PCSK9: variants seen among roughly 807,000 people sequenced by gnomAD.
The protein encoded by PCSK9 is proprotein convertase subtilisin/kexin type 9.
Under a neutral mutation model 62.1 loss-of-function variants are expected in PCSK9, and 57 were observed. That is an observed-to-expected ratio of 0.92 (90% CI 0.74 to 1.14). The LOEUF is 1.14. Among genes scored for constraint, PCSK9 ranks in the 50% most tolerant of loss-of-function variants. The pLI is 0.00. For missense variants in PCSK9, 870 were observed against 959.8 expected, an observed-to-expected ratio of 0.91 and a Z score of 1.24; for synonymous variants, 387 against 409.4, an observed-to-expected ratio of 0.95 and a Z score of 0.66.
intron 1 of PCSK9, among the ~76,000 whole-genome samples, chr1:55,043,108 C>T (rs1312563958): frequency 6.6e-6 from 1 of 152,212 alleles, no homozygotes; most frequent in Non-Finnish European, 1.5e-5. Context: ...GGAGAGCTTG[C>T]AGAATCATGA....
At chr1:55,058,714 T>TGTGTGTGC in intron 9 of PCSK9, 67 bp downstream of exon 9, 1 of 1,534,074 alleles carries the variant, frequency 6.5e-7, no homozygotes. Context: ...TGTGTGTGTG[T>TGTGTGTGC]GTGTCAGTGC....
In PCSK9 at chr1:55,058,089, A is replaced by C. The variant is rs1405213560; in HGVS notation, c.1234A>C (p.Arg412=). ...AEPELTLAEL[R]QRLIHFSAKD... Reference sequence around the variant, plus strand: ...GCCGGAGCTCACCCTGGCCGAGTTGAGGCAGAGACTGATCCACTTCTCTGC... The same window carrying C: ...GCCGGAGCTCACCCTGGCCGAGTTGCGGCAGAGACTGATCCACTTCTCTGC... The change falls in exon 8 of 12, where the codon AGG becomes CGG. Residue 412 remains arginine, a synonymous_variant. Transcript: ENST00000302118. The C allele has an allele frequency of 1.2e-6, 2 of 1,613,644 alleles. No individual in the cohort carries two copies. The highest frequency in any genetic ancestry group is 3.3e-5 in the Admixed American group (2 of 60,012).
At position 55,039,602 on chromosome 1, in the gene PCSK9, C is replaced by CTGAGCCTGGAGGAGTGAGCCAGGCAG; in HGVS notation, c.-231_-206dup. The CTGAGCCTGGAGGAGTGAGCCAGGCAG allele has an allele frequency of 1.7e-6, 1 of 604,788 alleles. No individual in the cohort carries two copies. Among genetic ancestry groups the CTGAGCCTGGAGGAGTGAGCCAGGCAG allele is most frequent in the South Asian group, 2.0e-5 (1 of 50,518 alleles). 37.5% of individuals were successfully genotyped at this position (604,788 alleles called of 1,614,324 possible). ...CGGGCGCCGCCGTTCAGTTCAGGGT[C>CTGAGCCTGGAGGAGTGAGCCAGGCAG]TGAGCCTGGAGGAGTGAGCCAGGCA... On this transcript the variant is annotated 5_prime_UTR_variant, in exon 1 of 12. Coordinates refer to ENST00000302118, the MANE Select transcript of PCSK9 (RefSeq NM_174936.4).
chr1:55,043,405 T>C (rs989566730), intron 1 of PCSK9, among the ~76,000 whole-genome samples: 4 of 152,182 alleles, frequency 2.6e-5, no homozygotes, highest in Non-Finnish European at 5.9e-5. Flanking sequence ...TGCTCATGGC[T>C]GCACAACCAG....
Position 55,063,679 on chromosome 1 carries a change from C to A in PCSK9, c.*95C>A. Reference sequence around the variant, plus strand: ...TTGTCCCTCTCTCAGCCCTCCATGGCCTGGCACGAGGGGATGGGGATGCTT... The same window carrying A: ...TTGTCCCTCTCTCAGCCCTCCATGGACTGGCACGAGGGGATGGGGATGCTT... On this transcript the variant is annotated 3_prime_UTR_variant, in exon 12 of 12. Transcript: ENST00000302118. 1 of 1,382,320 alleles carries A rather than the reference C, an allele frequency of 7.2e-7. No individual in the cohort carries two copies. The highest frequency in any genetic ancestry group is 9.8e-7 in the Non-Finnish European group (1 of 1,025,452). 85.6% of individuals were successfully genotyped at this position (1,382,320 alleles called of 1,614,324 possible).
At position 55,063,656 on chromosome 1, in the gene PCSK9, G is replaced by A; in HGVS notation, c.*72G>A. 6.7e-7 allele frequency: 1 copy of A among 1,495,116 alleles called. No homozygotes were observed. The highest frequency in any genetic ancestry group is 1.3e-5 in the South Asian group (1 of 79,206). 92.6% of individuals were successfully genotyped at this position (1,495,116 alleles called of 1,614,324 possible). A position where few individuals can be genotyped will look rare whatever the true frequency, so the allele number is the denominator to read the frequency against. On this transcript the variant is annotated 3_prime_UTR_variant, in exon 12 of 12. Coordinates refer to ENST00000302118, the MANE Select transcript of PCSK9 (RefSeq NM_174936.4). ...CTGAGCTTTAAAATGGTTCCGACTT[G>A]TCCCTCTCTCAGCCCTCCATGGCCT...
Position 55,058,142 on chromosome 1 carries a change from C to A in PCSK9, c.1287C>A (p.Phe429Leu), listed in dbSNP as rs111427099. The A allele has an allele frequency of 6.8e-6, 11 of 1,613,634 alleles. No homozygotes were observed. The African/African-American group carries it at 1.5e-4, about 22-fold the overall frequency. ...SAKDVINEAW[F>L]PEDQRVLTPN... ...AAGATGTCATCAATGAGGCCTGGTT[C>A]CCTGAGGACCAGCGGGTACTGACCC... The change falls in exon 8 of 12, where the codon TTC becomes TTA. Residue 429 changes from phenylalanine (F) to leucine (L), a missense_variant. Physicochemically the swap from Phe to Leu is conservative, Grantham distance 22. Coordinates refer to ENST00000302118, the MANE Select transcript of PCSK9 (RefSeq NM_174936.4).
intron 2 of PCSK9, among the ~76,000 whole-genome samples, chr1:55,045,857 G>A (rs1346979791): frequency 6.6e-6 from 1 of 152,038 alleles, no homozygotes; most frequent in Admixed American, 6.5e-5. Flanking sequence ...CTACAGGTGT[G>A]TGCCACCATG....
intron 3 of PCSK9, among the ~76,000 whole-genome samples, chr1:55,049,179 C>T (rs189236568): frequency 1.6e-4 from 25 of 152,264 alleles, no homozygotes; most frequent in Admixed American, 6.5e-5. Flanking sequence ...CCAAGACCTA[C>T]GGGGGCATTA....
Position 55,063,606 on chromosome 1 carries a change from G to A in PCSK9, c.*22G>A, listed in dbSNP as rs1405021769. 1 of 1,606,736 alleles carries A rather than the reference G, an allele frequency of 6.2e-7. No homozygotes were observed. Among genetic ancestry groups the A allele is most frequent in the South Asian group, 1.1e-5 (1 of 90,328 alleles). ...GTGACAGCCCCATCCCAGGATGGGT[G>A]TCTGGGGAGGGTCAAGGGCTGGGGC... On this transcript the variant is annotated 3_prime_UTR_variant, in exon 12 of 12. Transcript: ENST00000302118.
intron 6 of PCSK9, among the ~76,000 whole-genome samples, chr1:55,057,023 T>G (rs942239572): frequency 6.6e-6 from 1 of 151,840 alleles, no homozygotes. Context: ...GTCCTCTCAG[T>G]TTCCCCCCGT....
At chr1:55,059,071 G>T (rs374135225) in intron 9 of PCSK9, among the ~76,000 whole-genome samples, 4 of 152,228 alleles carry the variant, frequency 2.6e-5, no homozygotes, top group African/African-American at 9.6e-5. Context: ...GATGCTACAG[G>T]ATAGTGCACA....
chr1:55,048,834 A>G (rs1426674015), intron 3 of PCSK9, among the ~76,000 whole-genome samples: 1 of 152,222 alleles, frequency 6.6e-6, no homozygotes, highest in Non-Finnish European at 1.5e-5. Flanking sequence ...TAAATCAGTT[A>G]TTGCTGTAGC....
At position 55,058,082 on chromosome 1, in the gene PCSK9, C is replaced by T. The variant is rs146924245; in HGVS notation, c.1227C>T (p.Ala409=). 5.0e-5 allele frequency: 80 copies of T among 1,613,680 alleles called. No individual in the cohort carries two copies. Among genetic ancestry groups the T allele is most frequent in the Middle Eastern group, 1.6e-4 (1 of 6,084 alleles). The change falls in exon 8 of 12, where the codon GCC becomes GCT. Residue 409 remains alanine (A), a synonymous_variant. Transcript: ENST00000302118. ...CTGCCGAGCCGGAGCTCACCCTGGC[C>T]GAGTTGAGGCAGAGACTGATCCACT... The part of the protein sequence containing the change: ...MLSAEPELTL[A]ELRQRLIHFS...
intron 1 of PCSK9, 152 bp from the exon 2 acceptor site, chr1:55,043,691 G>C: frequency 1.1e-6 from 1 of 888,500 alleles, no homozygotes; most frequent in Non-Finnish European, 1.8e-6. Context: ...TCTTTAATTT[G>C]CTTTTTGGTC....
At position 55,059,650 on chromosome 1, in the gene PCSK9, C is replaced by A. The variant is rs1570308726; in HGVS notation, c.1668C>A (p.Gly556=). 9.7e-6 allele frequency: 15 copies of A among 1,550,824 alleles called. No individual in the cohort carries two copies. The highest frequency in any genetic ancestry group is 1.3e-5 in the Non-Finnish European group (15 of 1,147,044). The change falls in exon 10 of 12, where the codon GGC becomes GGA. Residue 556 remains glycine, a synonymous_variant. Coordinates refer to ENST00000302118, the MANE Select transcript of PCSK9 (RefSeq NM_174936.4). ...CCCGTGTCCACTGCCACCAACAGGG[C>A]CACGTCCTCACAGGTAGGAGGCTGG... ...MGTRVHCHQQ[G]HVLTGCSSHW...
intron 10 of PCSK9, among the ~76,000 whole-genome samples, chr1:55,060,358 G>T (rs1178177876): frequency 1.3e-5 from 2 of 152,198 alleles, no homozygotes; most frequent in Non-Finnish European, 2.9e-5. Context: ...AAGACAGTGG[G>T]ACTCCAGCCT....
intron 3 of PCSK9, among the ~76,000 whole-genome samples, chr1:55,048,485 GC>G (rs1644650890): frequency 6.6e-6 from 1 of 152,180 alleles, no homozygotes; most frequent in African/African-American, 2.4e-5. Context: ...CCCATGGATT[GC>G]CCCCCTTCCC....
At chr1:55,061,695 G>A (rs1051584104) in intron 11 of PCSK9, 139 bp downstream of exon 11, 51 of 1,127,262 alleles carry the variant, frequency 4.5e-5, no homozygotes, top group Non-Finnish European at 5.4e-5. Flanking sequence ...GGCAGCTTCC[G>A]CCATTGTGTG....
Sources: allele counts gnomAD v4.1 joint callset (sites outside exome capture counted in the v4.1 genomes callset), GRCh38; gene constraint gnomAD v4.1.1; transcripts MANE v1.5; gene names NCBI Gene and HGNC (gene_info 2026-07-23, HGNC 2026-07-21).